The following ZFAND3 variants were observed in gnomAD, a reference collection of about 807,000 sequenced individuals.
The protein encoded by ZFAND3 is AN1-type zinc finger protein 3.
In ZFAND3, 10 loss-of-function variants were observed where a neutral mutation model predicts 29.6. The ratio of observed to expected loss-of-function variants is 0.34; its 90% CI spans 0.21 to 0.57. The LOEUF (loss-of-function observed/expected upper bound fraction) is 0.57. Among genes scored for constraint, ZFAND3 ranks in the 20% least tolerant of loss-of-function variants. The probability of loss-of-function intolerance (pLI) is 0.86; values close to 1 mark genes in which losing one functional copy is unlikely to be tolerated. For synonymous variants in ZFAND3, 128 were observed against 112.6 expected (o/e 1.14, Z -0.87); for missense variants, 230 against 304.5 (o/e 0.76, Z 1.82).
In ZFAND3 at chr6:37,823,611, T is replaced by G. The variant is rs539259337; in HGVS notation, c.71+3595T>G. Among the ~76,000 whole-genome samples, 3 of 152,318 alleles carry G rather than the reference T, an allele frequency of 2.0e-5. No individual in the cohort carries two copies. The East Asian group carries it at 5.8e-4, about 29-fold the overall frequency. ...TGTACAATTCAAATGCGTTAGTGCT[T>G]GTAACACGTGGTTCCAGTTCTCTCC... On this transcript the variant is annotated intron_variant, in intron 1 of 5. Coordinates refer to ENST00000287218, the MANE Select transcript of ZFAND3 (RefSeq NM_021943.3).
At chr6:38,029,810 C>T (rs1345091428) in intron 2 of ZFAND3, among the ~76,000 whole-genome samples, 5 of 151,940 alleles carry the variant, frequency 3.3e-5, no homozygotes, top group Admixed American at 1.3e-4. Flanking sequence ...TATAAATTAT[C>T]GTCATGTATT....
At chr6:37,995,735 A>G (rs1465121343) in intron 2 of ZFAND3, among the ~76,000 whole-genome samples, 2 of 152,208 alleles carry the variant, frequency 1.3e-5, no homozygotes, top group African/African-American at 4.8e-5. Context: ...TTAGTGAGCA[A>G]AACAAACACA....
chr6:37,869,164 A>G (rs1764645300), intron 1 of ZFAND3, among the ~76,000 whole-genome samples: 1 of 151,796 alleles, frequency 6.6e-6, no homozygotes, highest in Non-Finnish European at 1.5e-5. Flanking sequence ...TTTTGTCTTT[A>G]TTTATTTATT....
chr6:38,032,572 G>C (rs553204750), intron 2 of ZFAND3, among the ~76,000 whole-genome samples: 1 of 152,322 alleles, frequency 6.6e-6, no homozygotes, highest in Non-Finnish European at 1.5e-5. Context: ...ATGTACTGAA[G>C]AACTCTTGGG....
At chr6:38,058,900 A>G (rs1293456260) in intron 2 of ZFAND3, among the ~76,000 whole-genome samples, 1 of 152,226 alleles carries the variant, frequency 6.6e-6, no homozygotes, top group African/African-American at 2.4e-5. Context: ...GGCACATAAT[A>G]AACGCATCAT....
intron 2 of ZFAND3, among the ~76,000 whole-genome samples, chr6:37,957,041 G>A (rs1389685923): frequency 2.6e-5 from 4 of 152,162 alleles, no homozygotes; most frequent in Non-Finnish European, 2.9e-5. Context: ...TATGAAAACT[G>A]AAATGACCCA....
At chr6:38,134,776 A>G (rs1765808878) in intron 5 of ZFAND3, among the ~76,000 whole-genome samples, 1 of 152,226 alleles carries the variant, frequency 6.6e-6, no homozygotes, top group Admixed American at 6.5e-5. Context: ...GACGCAGACT[A>G]AGAAAAGCCT....
chr6:37,952,059 G>C (rs1014014410), intron 2 of ZFAND3, among the ~76,000 whole-genome samples: 20 of 152,318 alleles, frequency 1.3e-4, no homozygotes, highest in African/African-American at 4.3e-4. Flanking sequence ...AAGCCTGCTT[G>C]ATCATAGTGG....
intron 3 of ZFAND3, among the ~76,000 whole-genome samples, chr6:38,062,135 G>A (rs930962252): frequency 7.9e-5 from 12 of 152,096 alleles, no homozygotes; most frequent in Non-Finnish European, 1.8e-4. Flanking sequence ...TTTTAACTCC[G>A]CAGAGGATTT....
At chr6:37,967,970 C>T (rs979155168) in intron 2 of ZFAND3, among the ~76,000 whole-genome samples, 5 of 152,076 alleles carry the variant, frequency 3.3e-5, no homozygotes, top group Non-Finnish European at 5.9e-5. Context: ...TGCTGCCATA[C>T]GTAAATTGTA....
chr6:37,857,091 C>T (rs1052528860), intron 1 of ZFAND3, among the ~76,000 whole-genome samples: 5 of 151,984 alleles, frequency 3.3e-5, no homozygotes, highest in African/African-American at 1.2e-4. Flanking sequence ...CACTGACAAA[C>T]GCCACCATGT....
At chr6:38,145,881 C>A (rs1346339585) in intron 5 of ZFAND3, among the ~76,000 whole-genome samples, 2 of 152,202 alleles carry the variant, frequency 1.3e-5, no homozygotes, top group Non-Finnish European at 2.9e-5. Flanking sequence ...GCCCCTACCC[C>A]CTGCCTCTCT....
Position 38,153,006 on chromosome 6 carries a change from A to G in ZFAND3, c.*617A>G. On this transcript the variant is annotated 3_prime_UTR_variant, in exon 6 of 6. Transcript: ENST00000287218. ...AATTTTTTTACCTGACTTGCTATGA[A>G]AAAACTCATCACACAAGAAGAGAAA... The G allele has an allele frequency of 2.0e-6, 2 of 985,930 alleles. No homozygotes were observed. Among genetic ancestry groups the G allele is most frequent in the Non-Finnish European group, 2.4e-6 (2 of 829,974 alleles). The allele number at this position is 985,930 out of a possible 1,614,324, so 61.1% of individuals were successfully genotyped here.
At chr6:38,035,146 A>G (rs986886401) in intron 2 of ZFAND3, among the ~76,000 whole-genome samples, 2 of 152,146 alleles carry the variant, frequency 1.3e-5, no homozygotes, top group African/African-American at 4.8e-5. Context: ...TTATACATGC[A>G]TTAAAGTTCT....
In ZFAND3 at chr6:38,154,435, G is replaced by A. The variant is rs79732843; in HGVS notation, c.*2046G>A. 3.3e-3 allele frequency: 3,272 copies of A among 985,806 alleles called. 6 individuals carry two copies. Among genetic ancestry groups the A allele is most frequent in the Non-Finnish European group, 3.7e-3 (3,067 of 829,852 alleles). The allele number at this position is 985,806 out of a possible 1,614,324, so 61.1% of individuals were successfully genotyped here. On this transcript the variant is annotated 3_prime_UTR_variant, in exon 6 of 6. Coordinates refer to ENST00000287218, the MANE Select transcript of ZFAND3 (RefSeq NM_021943.3). Reference sequence around the variant, plus strand: ...ATCTGTTCTGTGAAGTTTGTTAAATGTAAGGAAAGCTTAAATTCTTGTATC... The same window carrying A: ...ATCTGTTCTGTGAAGTTTGTTAAATATAAGGAAAGCTTAAATTCTTGTATC...
At chr6:38,099,399 C>T (rs1765047651) in intron 4 of ZFAND3, among the ~76,000 whole-genome samples, 1 of 152,188 alleles carries the variant, frequency 6.6e-6, no homozygotes, top group Non-Finnish European at 1.5e-5. Context: ...CATACACATA[C>T]TCTGCCATAA....
At chr6:38,028,442 TA>T (rs1433619168) in intron 2 of ZFAND3, among the ~76,000 whole-genome samples, 1 of 150,508 alleles carries the variant, frequency 6.6e-6, no homozygotes, top group African/African-American at 2.4e-5. Flanking sequence ...TTTTTTTTTT[TA>T]AGTGTCTTAT....
chr6:38,043,386 T>A (rs1056754623), intron 2 of ZFAND3, among the ~76,000 whole-genome samples: 10 of 142,718 alleles, frequency 7.0e-5, no homozygotes, highest in Non-Finnish European at 4.6e-5. Context: ...CTCCTCCCCC[T>A]CTCCTCTGCT....
chr6:38,122,602 C>T (rs568839466), intron 5 of ZFAND3, among the ~76,000 whole-genome samples: 2 of 152,038 alleles, frequency 1.3e-5, no homozygotes, highest in African/African-American at 4.8e-5. Flanking sequence ...TATTCTTTGG[C>T]GTAACAGCAT....
Sources: gnomAD v4.1 joint callset for allele counts (sites outside exome capture counted in the v4.1 genomes callset) on GRCh38, gnomAD v4.1.1 for gene constraint, MANE v1.5 for transcripts, NCBI Gene and HGNC (gene_info 2026-07-23, HGNC 2026-07-21) for gene names.